DAB1: variants seen among roughly 807,000 people sequenced by gnomAD.
DAB1 encodes the protein DAB adaptor protein 1, also known as disabled homolog 1.
DAB1 carries 15 observed loss-of-function variants against 64.6 expected under a neutral mutation model. That is an observed-to-expected ratio of 0.23 (90% confidence interval 0.16 to 0.36). The LOEUF (loss-of-function observed/expected upper bound fraction) is 0.36. Ranked by LOEUF, DAB1 falls within the 10% of genes least tolerant of loss-of-function variation. The pLI is 1.00. For missense variants in DAB1, 596 were observed against 706.7 expected (o/e 0.84, Z 1.78); for synonymous variants, 235 against 251.9 (o/e 0.93, Z 0.64).
chr1:57,099,165 T>C (rs1039032826), intron 4 of DAB1, among the ~76,000 whole-genome samples: 4 of 152,196 alleles, frequency 2.6e-5, no homozygotes, highest in Non-Finnish European at 5.9e-5. Flanking sequence ...AACTGTTGAG[T>C]GCTGAGGGTA....
At chr1:57,919,708 G>GGA (rs1249881388) in intron 5 of DAB1, among the ~76,000 whole-genome samples, 14 of 152,180 alleles carry the variant, frequency 9.2e-5, no homozygotes, top group African/African-American at 3.4e-4. Context: ...GAAGTTTACA[G>GGA]GAGATAATAA....
At chr1:58,217,046 T>C (rs1490441090) in intron 4 of DAB1, among the ~76,000 whole-genome samples, 1 of 152,244 alleles carries the variant, frequency 6.6e-6, no homozygotes, top group Non-Finnish European at 1.5e-5. Context: ...AATTGAAGTG[T>C]GATCTAAACA....
At chr1:57,624,304 A>T (rs1218781907) in intron 7 of DAB1, among the ~76,000 whole-genome samples, 1 of 152,156 alleles carries the variant, frequency 6.6e-6, no homozygotes, top group Non-Finnish European at 1.5e-5. Flanking sequence ...GTCACATGAC[A>T]CCAGGATGAA....
intron 3 of DAB1, among the ~76,000 whole-genome samples, chr1:58,401,381 C>T (rs1427980207): frequency 6.6e-6 from 1 of 152,176 alleles, no homozygotes; most frequent in Non-Finnish European, 1.5e-5. Context: ...TGGAAGATAC[C>T]TGCTCTTCCT....
At chr1:57,968,977 TC>T in intron 5 of DAB1, among the ~76,000 whole-genome samples, 1 of 152,300 alleles carries the variant, frequency 6.6e-6, no homozygotes, top group Non-Finnish European at 1.5e-5. Flanking sequence ...TTTTAGTTAA[TC>T]AGAGGCAATG....
chr1:58,280,708 AAAG>A (rs1661539852), intron 4 of DAB1, among the ~76,000 whole-genome samples: 1 of 152,190 alleles, frequency 6.6e-6, no homozygotes, highest in African/African-American at 2.4e-5. Flanking sequence ...TATCTGTAAT[AAAG>A]AAGGAGGAGG....
chr1:58,250,556 C>T (rs1251447680), intron 4 of DAB1, among the ~76,000 whole-genome samples: 2 of 152,330 alleles, frequency 1.3e-5, no homozygotes, highest in African/African-American at 4.8e-5. Flanking sequence ...CTACCGCATT[C>T]CCCCGAATAG....
At chr1:57,960,751 T>C (rs552789928) in intron 5 of DAB1, among the ~76,000 whole-genome samples, 1 of 152,232 alleles carries the variant, frequency 6.6e-6, no homozygotes, top group Non-Finnish European at 1.5e-5. Context: ...TCTCAGTATG[T>C]GGAGCAATTA....
At chr1:58,244,413 T>C (rs1016218613) in intron 4 of DAB1, among the ~76,000 whole-genome samples, 12 of 152,202 alleles carry the variant, frequency 7.9e-5, no homozygotes, top group African/African-American at 2.9e-4. Flanking sequence ...TCATATTCCT[T>C]ATTTGTGGAA....
chr1:58,253,575 T>A (rs1171368178), intron 4 of DAB1, among the ~76,000 whole-genome samples: 1 of 152,230 alleles, frequency 6.6e-6, no homozygotes, highest in Non-Finnish European at 1.5e-5. Flanking sequence ...TGGGCTGCCC[T>A]TGACAGTTTA....
chr1:58,252,024 T>A (rs1160132266), intron 4 of DAB1, among the ~76,000 whole-genome samples: 1 of 152,210 alleles, frequency 6.6e-6, no homozygotes, highest in Non-Finnish European at 1.5e-5. Context: ...CTCCTACCAC[T>A]CTCTGAGTAT....
At chr1:57,042,239 C>T (rs540248573) in intron 9 of DAB1, among the ~76,000 whole-genome samples, 1 of 152,254 alleles carries the variant, frequency 6.6e-6, no homozygotes, top group South Asian at 2.1e-4. Context: ...TCTGAAAGAG[C>T]GTTATCCTCG....
At chr1:57,810,144 G>A (rs1316706747) in intron 6 of DAB1, among the ~76,000 whole-genome samples, 1 of 152,106 alleles carries the variant, frequency 6.6e-6, no homozygotes, top group Non-Finnish European at 1.5e-5. Context: ...AGGGGAGAGG[G>A]AGAAAAAGGC....
chr1:58,210,206 T>C (rs1449845590), intron 4 of DAB1, among the ~76,000 whole-genome samples: 1 of 152,196 alleles, frequency 6.6e-6, no homozygotes, highest in Non-Finnish European at 1.5e-5. Context: ...TGGATCTGCA[T>C]CTGCTTGACT....
chr1:58,406,060 T>C (rs906830005), intron 3 of DAB1, among the ~76,000 whole-genome samples: 2 of 152,222 alleles, frequency 1.3e-5, no homozygotes, highest in African/African-American at 4.8e-5. Context: ...AACCTATTTG[T>C]CTCAGAAAAC....
At chr1:58,291,027 G>A (rs1661818445) in intron 4 of DAB1, among the ~76,000 whole-genome samples, 1 of 152,178 alleles carries the variant, frequency 6.6e-6, no homozygotes, top group African/African-American at 2.4e-5. Flanking sequence ...AAGAGAAATT[G>A]TCCATCACCA....
At chr1:57,815,133 G>A (rs551839397) in intron 6 of DAB1, among the ~76,000 whole-genome samples, 10 of 151,774 alleles carry the variant, frequency 6.6e-5, no homozygotes, top group South Asian at 6.2e-4. Context: ...GTGCAGTGGC[G>A]TGATCTCAGC....
intron 6 of DAB1, among the ~76,000 whole-genome samples, chr1:57,789,560 G>C (rs1650497112): frequency 6.6e-6 from 1 of 152,140 alleles, no homozygotes; most frequent in Non-Finnish European, 1.5e-5. Context: ...TCACATGGCA[G>C]GGAGCAGAGA....
At chr1:58,009,497 T>G (rs1003283671) in intron 5 of DAB1, among the ~76,000 whole-genome samples, 1 of 152,174 alleles carries the variant, frequency 6.6e-6, no homozygotes, top group Non-Finnish European at 1.5e-5. Context: ...TAGTATATGA[T>G]TGCTTTTAGG....
Sources: allele counts gnomAD v4.1 joint callset (sites outside exome capture counted in the v4.1 genomes callset), GRCh38; gene constraint gnomAD v4.1.1; transcripts MANE v1.5; gene names NCBI Gene and HGNC (gene_info 2026-07-23, HGNC 2026-07-21).